ENOX1: variants seen among roughly 807,000 people sequenced by gnomAD.
ENOX1 encodes candidate growth-related and time keeping constitutive hydroquinone (NADH) oxidase.
ENOX1 carries 42 observed loss-of-function variants against 82.5 expected under a neutral mutation model. That is an observed-to-expected ratio of 0.51 (90% CI 0.40 to 0.66). The LOEUF is 0.66. Among genes scored for constraint, ENOX1 ranks in the 30% least tolerant of loss-of-function variants. The probability of loss-of-function intolerance (pLI) is 0.00; values close to 1 mark genes in which losing one functional copy is unlikely to be tolerated. For synonymous variants in ENOX1, 271 were observed against 282.2 expected, an observed-to-expected ratio of 0.96 and a Z score of 0.40; for missense variants, 608 against 811.6, an observed-to-expected ratio of 0.75 and a Z score of 3.05.
chr13:43,494,277 C>T (rs199818095), intron 2 of ENOX1, among the ~76,000 whole-genome samples: 1 of 152,142 alleles, frequency 6.6e-6, no homozygotes, highest in Non-Finnish European at 1.5e-5. Flanking sequence ...ACTAATATGA[C>T]AGCCCTCCCA....
chr13:43,771,319 G>A (rs1373812882), intron 1 of ENOX1, among the ~76,000 whole-genome samples: 3 of 151,990 alleles, frequency 2.0e-5, no homozygotes, highest in African/African-American at 4.8e-5. Context: ...CCTGACTGTC[G>A]CTAGGTATCC....
intron 2 of ENOX1, among the ~76,000 whole-genome samples, chr13:43,538,744 G>A (rs866955811): frequency 1.2e-4 from 18 of 151,908 alleles, no homozygotes; most frequent in African/African-American, 3.6e-4. Flanking sequence ...TTACCACCTG[G>A]CTATAGTTTT....
intron 1 of ENOX1, among the ~76,000 whole-genome samples, chr13:43,685,779 A>C (rs1388555653): frequency 6.6e-6 from 1 of 151,890 alleles, no homozygotes; most frequent in African/African-American, 2.4e-5. Flanking sequence ...ATGAGAACAC[A>C]TTTGCCTGCT....
chr13:43,626,008 A>C (rs940594387), intron 2 of ENOX1, among the ~76,000 whole-genome samples: 1 of 151,892 alleles, frequency 6.6e-6, no homozygotes, highest in African/African-American at 2.4e-5. Flanking sequence ...ATTATAAATC[A>C]TATTTCCTTA....
At chr13:43,385,236 C>T (rs1255830962) in intron 5 of ENOX1, among the ~76,000 whole-genome samples, 4 of 152,036 alleles carry the variant, frequency 2.6e-5, no homozygotes, top group African/African-American at 4.8e-5. Context: ...TTAGAATACT[C>T]TCAAGATTAA....
chr13:43,512,158 T>C, intron 2 of ENOX1, among the ~76,000 whole-genome samples: 1 of 152,198 alleles, frequency 6.6e-6, no homozygotes, highest in East Asian at 1.9e-4. Flanking sequence ...CAAAGGCTGT[T>C]GAGATTTAAA....
chr13:43,489,050 C>G (rs1336496742), intron 2 of ENOX1, among the ~76,000 whole-genome samples: 1 of 151,484 alleles, frequency 6.6e-6, no homozygotes, highest in Non-Finnish European at 1.5e-5. Flanking sequence ...AGTGCATGAC[C>G]AAGTGACTGT....
intron 12 of ENOX1, among the ~76,000 whole-genome samples, chr13:43,290,486 A>C (rs921308451): frequency 5.3e-5 from 8 of 152,208 alleles, no homozygotes; most frequent in African/African-American, 1.9e-4. Flanking sequence ...ATCCTAAACA[A>C]GTTAACATAG....
chr13:43,504,455 T>A (rs2153670113), intron 2 of ENOX1, among the ~76,000 whole-genome samples: 1 of 151,918 alleles, frequency 6.6e-6, no homozygotes, highest in East Asian at 1.9e-4. Context: ...AAAGAAAATG[T>A]GGTATATACA....
At chr13:43,317,435 A>G (rs1231812629) in intron 11 of ENOX1, among the ~76,000 whole-genome samples, 1 of 152,132 alleles carries the variant, frequency 6.6e-6, no homozygotes, top group East Asian at 1.9e-4. Flanking sequence ...GGGCATTTTT[A>G]AGGATCTTTC....
chr13:43,388,100 G>A lies in ENOX1; in HGVS notation c.208+23816C>T, dbSNP rs114707617. Among the ~76,000 whole-genome samples, 500 of 152,254 alleles carry A rather than the reference G, an allele frequency of 3.3e-3. 1 individual carries two copies. Among genetic ancestry groups the A allele is most frequent in the African/African-American group, 8.9e-3 (370 of 41,546 alleles). On this transcript the variant is annotated intron_variant, in intron 5 of 16. Coordinates refer to ENST00000690772, the MANE Select transcript of ENOX1 (RefSeq NM_001347969.2). ...AATAGCAGAGTTGGAAAATGCTAAC[G>A]TTAGAGACAGAGTCAGTAACAACAA...
intron 2 of ENOX1, among the ~76,000 whole-genome samples, chr13:43,605,950 A>T (rs935000632): frequency 6.6e-6 from 1 of 152,212 alleles, no homozygotes; most frequent in Non-Finnish European, 1.5e-5. Flanking sequence ...GAGCTCAAAC[A>T]ACTCTCTAGG....
chr13:43,273,735 G>A (rs959263378), intron 12 of ENOX1, among the ~76,000 whole-genome samples: 5 of 152,104 alleles, frequency 3.3e-5, no homozygotes, highest in African/African-American at 9.7e-5. Context: ...TACGAAATGC[G>A]GTAGCCTTGG....
At chr13:43,684,223 C>A (rs1280913380) in intron 1 of ENOX1, among the ~76,000 whole-genome samples, 4 of 151,978 alleles carry the variant, frequency 2.6e-5, no homozygotes, top group Admixed American at 6.6e-5. Flanking sequence ...TGTCTTATTG[C>A]CCCTTTAAAT....
intron 1 of ENOX1, among the ~76,000 whole-genome samples, chr13:43,719,699 T>C (rs1403746277): frequency 1.3e-5 from 2 of 151,924 alleles, no homozygotes; most frequent in African/African-American, 2.4e-5. Context: ...GAACATGCAA[T>C]GGAGCACCAG....
At chr13:43,545,303 T>A (rs2078927192) in intron 2 of ENOX1, 1 of 152,248 alleles carries the variant, frequency 6.6e-6, no homozygotes, top group Admixed American at 6.5e-5. Context: ...CATCCTACCA[T>A]CTTCAAAGTG....
chr13:43,293,817 CTG>C (rs2046144012), intron 12 of ENOX1, among the ~76,000 whole-genome samples: 1 of 152,136 alleles, frequency 6.6e-6, no homozygotes, highest in South Asian at 2.1e-4. Context: ...ACAAAACTAA[CTG>C]GGGTTACTTT....
At chr13:43,474,990 T>C (rs1432507610) in intron 3 of ENOX1, among the ~76,000 whole-genome samples, 2 of 151,932 alleles carry the variant, frequency 1.3e-5, no homozygotes, top group African/African-American at 4.8e-5. Flanking sequence ...TTGAGATGAA[T>C]CCTCATGCAA....
At position 43,411,491 on chromosome 13, in the gene ENOX1, G is replaced by A. The variant is rs545947094; in HGVS notation, c.208+425C>T. Among the ~76,000 whole-genome samples, 18 of 152,274 alleles carry A rather than the reference G, an allele frequency of 1.2e-4. No individual in the cohort carries two copies. The South Asian group carries it at 1.9e-3, about 16-fold the overall frequency. On this transcript the variant is annotated intron_variant, in intron 5 of 16. Transcript: ENST00000690772. Reference sequence around the variant, plus strand: ...CCATTTCAATGCTGGAAAAGTCACCGAAACTCTGCTCTTCTGTTTCTCTAT... The same window carrying A: ...CCATTTCAATGCTGGAAAAGTCACCAAAACTCTGCTCTTCTGTTTCTCTAT...
Sources: gnomAD v4.1 joint callset for allele counts (sites outside exome capture counted in the v4.1 genomes callset) on GRCh38, gnomAD v4.1.1 for gene constraint, MANE v1.5 for transcripts, NCBI Gene and HGNC (gene_info 2026-07-23, HGNC 2026-07-21) for gene names.